The following SRRM4 variants were observed in gnomAD, a reference collection of about 807,000 sequenced individuals.
SRRM4 encodes serine/arginine repetitive matrix 4.
A neutral mutation model predicts 68.9 loss-of-function variants in SRRM4; 33 were observed. That is an observed-to-expected ratio of 0.48 (90% CI 0.36 to 0.64). SRRM4 has a LOEUF of 0.64. Ranked by LOEUF, SRRM4 falls within the 30% of genes least tolerant of loss-of-function variation. SRRM4 has a pLI of 0.00. For synonymous variants in SRRM4, 318 were observed against 318.8 expected, an observed-to-expected ratio of 1.00 and a Z score of 0.03; for missense variants, 817 against 827.1, an observed-to-expected ratio of 0.99 and a Z score of 0.15.
At chr12:119,094,843 CTTGGTTA>C (rs1346745869) in intron 1 of SRRM4, among the ~76,000 whole-genome samples, 1 of 152,168 alleles carries the variant, frequency 6.6e-6, no homozygotes, top group African/African-American at 2.4e-5. Context: ...GAAACAATGT[CTTGGTTA>C]CTTTTGGGTC....
rs144714047 is a variant in SRRM4, at chr12:119,039,472, A to G, written c.131+57459A>G. 3.8e-3 allele frequency among the ~76,000 whole-genome samples: 586 copies of G among 152,284 alleles called. 15 individuals carry two copies. Among genetic ancestry groups the G allele is most frequent in the Admixed American group, 0.031 (471 of 15,302 alleles). On this transcript the variant is annotated intron_variant, in intron 1 of 12. Coordinates refer to ENST00000267260, the MANE Select transcript of SRRM4 (RefSeq NM_194286.4). Reference sequence around the variant, plus strand: ...TCCACTAGCATTACTATTTCTATACAGTTATTATTTGTTTGTTTAAGGAGT... The same window carrying G: ...TCCACTAGCATTACTATTTCTATACGGTTATTATTTGTTTGTTTAAGGAGT...
chr12:119,006,487 C>A (rs1248903601), intron 1 of SRRM4, among the ~76,000 whole-genome samples: 1 of 152,198 alleles, frequency 6.6e-6, no homozygotes, highest in Non-Finnish European at 1.5e-5. Flanking sequence ...GCTTCCTGGA[C>A]TCCCAGATAG....
At chr12:119,117,601 C>T (rs1324025325) in intron 4 of SRRM4, among the ~76,000 whole-genome samples, 3 of 152,120 alleles carry the variant, frequency 2.0e-5, no homozygotes, top group South Asian at 2.1e-4. Flanking sequence ...ACTGTGCACA[C>T]ACACACACAC....
At chr12:119,049,195 C>T (rs1953726367) in intron 1 of SRRM4, among the ~76,000 whole-genome samples, 1 of 152,054 alleles carries the variant, frequency 6.6e-6, no homozygotes, top group Non-Finnish European at 1.5e-5. Flanking sequence ...GACAGGTGTC[C>T]CAGGTTGTTT....
At position 119,096,192 on chromosome 12, in the gene SRRM4, T is replaced by C. The variant is rs866945597; in HGVS notation, c.132-6044T>C. On this transcript the variant is annotated intron_variant, in intron 1 of 12. Coordinates refer to ENST00000267260, the MANE Select transcript of SRRM4 (RefSeq NM_194286.4). ...CCCGCCACCACGCCCAGCTAATTTT[T>C]TTTTTTTTTTTTTGTATTTTTAGCA... Among the ~76,000 whole-genome samples, 879 of 147,528 alleles carry C rather than the reference T, an allele frequency of 6.0e-3. 14 individuals carry two copies. The highest frequency in any genetic ancestry group is 0.019 in the African/African-American group (771 of 40,338).
intron 8 of SRRM4, among the ~76,000 whole-genome samples, chr12:119,143,572 G>T (rs990272080): frequency 6.6e-5 from 10 of 152,122 alleles, no homozygotes; most frequent in Admixed American, 5.2e-4. Context: ...ATCTGGCCCT[G>T]GAACCATCCC....
At chr12:119,027,201 G>A (rs1953554309) in intron 1 of SRRM4, among the ~76,000 whole-genome samples, 1 of 152,090 alleles carries the variant, frequency 6.6e-6, no homozygotes. Flanking sequence ...AACCAACACT[G>A]GATCACCCAC....
At chr12:119,101,348 A>G (rs1954076699) in intron 1 of SRRM4, among the ~76,000 whole-genome samples, 1 of 152,086 alleles carries the variant, frequency 6.6e-6, no homozygotes, top group South Asian at 2.1e-4. Context: ...ACTCCCATAA[A>G]GACGTGGGAC....
chr12:118,996,684 T>A (rs1418635573), intron 1 of SRRM4, among the ~76,000 whole-genome samples: 1 of 152,254 alleles, frequency 6.6e-6, no homozygotes, highest in Non-Finnish European at 1.5e-5. Context: ...GGTATCATTG[T>A]CTCCATTTTA....
At chr12:119,026,865 G>T (rs1953552089) in intron 1 of SRRM4, among the ~76,000 whole-genome samples, 1 of 152,090 alleles carries the variant, frequency 6.6e-6, no homozygotes, top group Non-Finnish European at 1.5e-5. Flanking sequence ...TTTGTTCTAG[G>T]CATAGCATTG....
intron 2 of SRRM4, among the ~76,000 whole-genome samples, chr12:119,112,453 C>T (rs1234118422): frequency 6.6e-6 from 1 of 152,084 alleles, no homozygotes; most frequent in Non-Finnish European, 1.5e-5. Context: ...GGGTATATAC[C>T]CAAAGGAATG....
chr12:119,115,325 T>C (rs1040451705), intron 3 of SRRM4, among the ~76,000 whole-genome samples: 1 of 152,208 alleles, frequency 6.6e-6, no homozygotes, highest in African/African-American at 2.4e-5. Context: ...AATTTTTTTA[T>C]ATTTAAAATG....
chr12:119,009,513 A>G (rs1372440774), intron 1 of SRRM4, among the ~76,000 whole-genome samples: 1 of 152,202 alleles, frequency 6.6e-6, no homozygotes, highest in East Asian at 1.9e-4. Flanking sequence ...GTTGCCTTCT[A>G]AAAGCTTGGC....
intron 3 of SRRM4, among the ~76,000 whole-genome samples, chr12:119,115,547 T>G (rs1277830048): frequency 6.6e-6 from 1 of 152,140 alleles, no homozygotes; most frequent in East Asian, 1.9e-4. Flanking sequence ...GGAACCTTGT[T>G]TCACAGACAC....
chr12:119,064,344 TCAAA>T (rs1953832537), intron 1 of SRRM4, among the ~76,000 whole-genome samples: 1 of 152,206 alleles, frequency 6.6e-6, no homozygotes, highest in Admixed American at 6.5e-5. Flanking sequence ...AAGGAATGTT[TCAAA>T]CAAAGGAATG....
Position 119,154,522 on chromosome 12 carries a change from A to G in SRRM4, c.1532+139A>G. On this transcript the variant is annotated intron_variant, in intron 12 of 12. Coordinates refer to ENST00000267260, the MANE Select transcript of SRRM4 (RefSeq NM_194286.4). The surrounding 1 kb of genome is among the most constrained non-coding windows in gnomAD (Gnocchi z 4.7). The stretch of plus-strand genomic sequence containing the variant: ...GCGAGCTTATGGTCCCCCCAACCCC[A>G]ACATCATTGAAATTACGTGTCTGTT... 1.1e-6 allele frequency: 1 copy of G among 921,416 alleles called. No individual in the cohort carries two copies. The highest frequency in any genetic ancestry group is 1.6e-6 in the Non-Finnish European group (1 of 616,626). 57.1% of individuals were successfully genotyped at this position (921,416 alleles called of 1,614,324 possible).
chr12:119,013,871 G>C (rs371956371), intron 1 of SRRM4, among the ~76,000 whole-genome samples: 19 of 152,266 alleles, frequency 1.2e-4, no homozygotes, highest in South Asian at 6.2e-4. Flanking sequence ...GGAATTGTTA[G>C]AAATTTCCAG....
At chr12:119,092,488 C>A (rs1954019662) in intron 1 of SRRM4, among the ~76,000 whole-genome samples, 1 of 152,112 alleles carries the variant, frequency 6.6e-6, no homozygotes, top group Non-Finnish European at 1.5e-5. Context: ...CAGTGATTGG[C>A]AGCAAGAGCC....
At chr12:119,051,301 A>G (rs1340289274) in intron 1 of SRRM4, among the ~76,000 whole-genome samples, 2 of 152,160 alleles carry the variant, frequency 1.3e-5, no homozygotes, top group East Asian at 3.9e-4. Flanking sequence ...ACATATTTAC[A>G]ACACTCAACA....
Sources: allele counts gnomAD v4.1 joint callset (sites outside exome capture counted in the v4.1 genomes callset), GRCh38; gene constraint gnomAD v4.1.1; non-coding constraint Gnocchi (gnomAD v3.1); transcripts MANE v1.5; gene names NCBI Gene and HGNC (gene_info 2026-07-23, HGNC 2026-07-21).